The following ZNF385D variants were observed in gnomAD, a reference collection of about 807,000 sequenced individuals.
ZNF385D encodes zinc finger protein 385D.
A neutral mutation model predicts 35.8 loss-of-function variants in ZNF385D; 15 were observed. The ratio of observed to expected loss-of-function variants is 0.42; its 90% CI spans 0.28 to 0.64. The LOEUF is 0.64. ZNF385D is among the 30% of genes least tolerant of loss of function. The pLI, the probability that ZNF385D is intolerant of heterozygous loss-of-function variation, is 0.23. For synonymous variants in ZNF385D, 212 were observed against 186.8 expected (o/e 1.13, Z -1.10); for missense variants, 474 against 494.6 (o/e 0.96, Z 0.39).
At chr3:21,947,346 G>GTTATTTATTTATTTAT (rs74499183) in intron 3 of ZNF385D, among the ~76,000 whole-genome samples, 2 of 150,814 alleles carry the variant, frequency 1.3e-5, no homozygotes, top group East Asian at 2.0e-4. Flanking sequence ...TATTTTACTA[G>GTTATTTATTTATTTAT]TTATTTATTT....
intron 3 of ZNF385D, among the ~76,000 whole-genome samples, chr3:21,977,354 G>C (rs1054419862): frequency 1.3e-5 from 2 of 152,126 alleles, no homozygotes; most frequent in African/African-American, 4.8e-5. Context: ...TTTAATTAAA[G>C]CTTGAGTATG....
chr3:21,855,150 C>A (rs1696635976), intron 3 of ZNF385D, among the ~76,000 whole-genome samples: 1 of 152,020 alleles, frequency 6.6e-6, no homozygotes, highest in African/African-American at 2.4e-5. Flanking sequence ...CATTCCCATA[C>A]CTATCTCTGA....
At chr3:21,597,085 A>G (rs1276392165) in intron 2 of ZNF385D, among the ~76,000 whole-genome samples, 1 of 152,186 alleles carries the variant, frequency 6.6e-6, no homozygotes, top group East Asian at 1.9e-4. Context: ...AAAAATACTG[A>G]CCACTGACTG....
chr3:22,220,467 G>A (rs1698185700), intron 2 of ZNF385D, among the ~76,000 whole-genome samples: 1 of 152,110 alleles, frequency 6.6e-6, no homozygotes, highest in Non-Finnish European at 1.5e-5. Flanking sequence ...CAATATCACA[G>A]CTCGGTTTAA....
intron 4 of ZNF385D, among the ~76,000 whole-genome samples, chr3:21,499,946 T>A (rs1433179256): frequency 6.6e-6 from 1 of 152,180 alleles, no homozygotes; most frequent in East Asian, 1.9e-4. Context: ...CCCATACCCA[T>A]GTCACAACGC....
intron 3 of ZNF385D, among the ~76,000 whole-genome samples, chr3:21,544,819 C>T (rs571006254): frequency 6.6e-6 from 1 of 152,230 alleles, no homozygotes; most frequent in African/African-American, 2.4e-5. Flanking sequence ...TTTTAGACCT[C>T]GAACATTTAG....
chr3:22,129,331 G>A (rs1703635849), intron 3 of ZNF385D, among the ~76,000 whole-genome samples: 1 of 152,102 alleles, frequency 6.6e-6, no homozygotes. Flanking sequence ...ACTATTCCTT[G>A]GATACTGCTG....
intron 2 of ZNF385D, among the ~76,000 whole-genome samples, chr3:22,341,674 G>C (rs996545862): frequency 8.2e-4 from 125 of 152,238 alleles, no homozygotes; most frequent in African/African-American, 3.0e-3. Flanking sequence ...AAACAGAGTT[G>C]ATAGTCATAT....
chr3:21,619,404 G>A (rs1163226904), intron 2 of ZNF385D, among the ~76,000 whole-genome samples: 1 of 140,382 alleles, frequency 7.1e-6, no homozygotes, highest in Non-Finnish European at 1.5e-5. Context: ...AGTTGTCATC[G>A]TGTGTGTGCG....
At position 22,049,206 on chromosome 3, in the gene ZNF385D, G is replaced by A. The variant is rs562950744; in HGVS notation, c.325+119611C>T. On this transcript the variant is annotated intron_variant, in intron 3 of 5. Transcript: ENST00000494108. ...AGCTACTCAGAAGGCTGAGATGGGA[G>A]ATTCGCTTGAACCTGGGAGGCAGAG... Among the ~76,000 whole-genome samples the A allele has an allele frequency of 2.8e-4, 43 of 152,122 alleles. 1 individual carries two copies. Among genetic ancestry groups the A allele is most frequent in the Admixed American group, 2.2e-3 (34 of 15,262 alleles).
At chr3:21,701,690 T>C (rs2067688909) in intron 1 of ZNF385D, among the ~76,000 whole-genome samples, 1 of 152,100 alleles carries the variant, frequency 6.6e-6, no homozygotes, top group Admixed American at 6.5e-5. Flanking sequence ...AAAAGCAAGC[T>C]AGTTACTTCC....
intron 2 of ZNF385D, among the ~76,000 whole-genome samples, chr3:21,643,105 A>T (rs371952461): frequency 9.8e-5 from 15 of 152,296 alleles, no homozygotes; most frequent in African/African-American, 3.4e-4. Flanking sequence ...TATCACCAAA[A>T]AAAGAAAGCA....
chr3:22,244,497 C>A (rs1699670959), intron 2 of ZNF385D, among the ~76,000 whole-genome samples: 1 of 150,192 alleles, frequency 6.7e-6, no homozygotes, highest in African/African-American at 2.5e-5. Context: ...AAATAATATT[C>A]CAATCAGAAT....
chr3:21,921,315 T>C (rs1291352012), intron 3 of ZNF385D, among the ~76,000 whole-genome samples: 1 of 151,900 alleles, frequency 6.6e-6, no homozygotes, highest in Non-Finnish European at 1.5e-5. Context: ...CACGTAACAC[T>C]TGGAGTATGT....
intron 3 of ZNF385D, among the ~76,000 whole-genome samples, chr3:21,771,387 T>C (rs75224413): frequency 0.012 from 1,885 of 151,986 alleles, 22 homozygotes; most frequent in Non-Finnish European, 0.02. Context: ...AATAGAATTT[T>C]CAGAGTTACC....
At chr3:22,069,669 C>A (rs1700136494) in intron 3 of ZNF385D, among the ~76,000 whole-genome samples, 1 of 152,058 alleles carries the variant, frequency 6.6e-6, no homozygotes, top group Non-Finnish European at 1.5e-5. Flanking sequence ...CTATCATTTT[C>A]CCTGAAAAGG....
intron 3 of ZNF385D, among the ~76,000 whole-genome samples, chr3:21,893,561 C>T (rs1698989816): frequency 6.6e-6 from 1 of 152,134 alleles, no homozygotes; most frequent in Non-Finnish European, 1.5e-5. Flanking sequence ...TTTATTGTGT[C>T]CTTAAATAAT....
At chr3:22,298,719 A>G (rs1160843064) in intron 2 of ZNF385D, among the ~76,000 whole-genome samples, 3 of 150,836 alleles carry the variant, frequency 2.0e-5, no homozygotes, top group Non-Finnish European at 3.0e-5. Context: ...CAAAAAAAAA[A>G]AATAAAATGA....
intron 3 of ZNF385D, among the ~76,000 whole-genome samples, chr3:22,008,298 A>C (rs1696342775): frequency 6.6e-6 from 1 of 152,020 alleles, no homozygotes; most frequent in South Asian, 2.1e-4. Context: ...AAAAATACTT[A>C]ATAGAACAAA....
Sources: gnomAD v4.1 joint callset for allele counts (sites outside exome capture counted in the v4.1 genomes callset) on GRCh38, gnomAD v4.1.1 for gene constraint, MANE v1.5 for transcripts, NCBI Gene and HGNC (gene_info 2026-07-23, HGNC 2026-07-21) for gene names.